PAPPA2: variants seen among roughly 807,000 people sequenced by gnomAD.
The protein encoded by PAPPA2 is pappalysin 2.
Under a neutral mutation model 176.4 loss-of-function variants are expected in PAPPA2, and 86 were observed. The ratio of observed to expected loss-of-function variants is 0.49; its 90% CI spans 0.41 to 0.58. PAPPA2 has a LOEUF of 0.58. Ranked by LOEUF, PAPPA2 falls within the 20% of genes least tolerant of loss-of-function variation. The pLI, the probability that PAPPA2 is intolerant of heterozygous loss-of-function variation, is 0.00. For synonymous variants in PAPPA2, 809 were observed against 852.2 expected (o/e 0.95, Z 0.88); for missense variants, 2,073 against 2,256.9 (o/e 0.92, Z 1.65).
intron 21 of PAPPA2, among the ~76,000 whole-genome samples, chr1:176,829,866 C>A (rs1169667579): frequency 1.3e-5 from 2 of 152,218 alleles, no homozygotes; most frequent in Admixed American, 6.5e-5. Flanking sequence ...GAGAAAGGCA[C>A]TGGAAGGTCC....
Position 176,695,723 on chromosome 1 carries a change from C to A in PAPPA2, c.2625-15C>A, listed in dbSNP as rs775429300. On this transcript the variant is annotated splice_polypyrimidine_tract_variant and intron_variant, in intron 6 of 22. Transcript: ENST00000367662. ...ACTCTCCTCATCTCCCATCTCCATC[C>A]CTTTATCTCCCCAGGGCCTCAGGCA... The A allele has an allele frequency of 6.2e-7, 1 of 1,613,548 alleles. No individual in the cohort carries two copies. The highest frequency in any genetic ancestry group is 1.3e-5 in the African/African-American group (1 of 74,906).
At chr1:176,539,250 T>C (rs918586419) in intron 1 of PAPPA2, among the ~76,000 whole-genome samples, 10 of 152,098 alleles carry the variant, frequency 6.6e-5, no homozygotes, top group African/African-American at 2.4e-4. Context: ...GTATGGAACG[T>C]AGGGTATGAG....
intron 1 of PAPPA2, among the ~76,000 whole-genome samples, chr1:176,517,651 A>G (rs1397864791): frequency 1.3e-5 from 2 of 152,144 alleles, no homozygotes; most frequent in Non-Finnish European, 2.9e-5. Flanking sequence ...GGCAAGATAG[A>G]GGCTCAGCTT....
At chr1:176,712,109 A>AG in intron 12 of PAPPA2, 128 bp downstream of exon 12, 3 of 1,160,950 alleles carry the variant, frequency 2.6e-6, no homozygotes, top group Non-Finnish European at 3.6e-6. Flanking sequence ...GTTATCTCAA[A>AG]GTGTTAATAT....
At chr1:176,504,740 C>G (rs932462941) in intron 1 of PAPPA2, among the ~76,000 whole-genome samples, 4 of 152,134 alleles carry the variant, frequency 2.6e-5, no homozygotes, top group Non-Finnish European at 5.9e-5. Flanking sequence ...AGCCATGTGA[C>G]CTGCTTAGAC....
intron 1 of PAPPA2, among the ~76,000 whole-genome samples, chr1:176,487,597 C>G (rs1012558488): frequency 6.6e-6 from 1 of 152,152 alleles, no homozygotes. Context: ...ACAGCTAGAC[C>G]TGGTGAGATA....
At chr1:176,714,272 C>T (rs1239324027) in intron 12 of PAPPA2, among the ~76,000 whole-genome samples, 2 of 152,160 alleles carry the variant, frequency 1.3e-5, no homozygotes, top group Non-Finnish European at 2.9e-5. Context: ...GTCAGACACA[C>T]CTCACTATGC....
chr1:176,588,082 A>G (rs1313576070), intron 2 of PAPPA2, among the ~76,000 whole-genome samples: 1 of 152,076 alleles, frequency 6.6e-6, no homozygotes, highest in African/African-American at 2.4e-5. Context: ...CCTCTCTTAT[A>G]TCCTTGAGCA....
At chr1:176,677,616 G>A (rs1043611260) in intron 4 of PAPPA2, among the ~76,000 whole-genome samples, 10 of 152,076 alleles carry the variant, frequency 6.6e-5, no homozygotes, top group African/African-American at 1.2e-4. Flanking sequence ...TAAGTTAGTC[G>A]TAAACCAGCC....
intron 1 of PAPPA2, among the ~76,000 whole-genome samples, chr1:176,493,160 T>G (rs1241542819): frequency 1.3e-5 from 2 of 152,174 alleles, no homozygotes; most frequent in Admixed American, 6.6e-5. Flanking sequence ...TGGTGGAGTG[T>G]GGAATCATGA....
intron 4 of PAPPA2, among the ~76,000 whole-genome samples, chr1:176,682,785 C>T (rs1049683352): frequency 6.6e-5 from 10 of 152,050 alleles, no homozygotes. Flanking sequence ...TGAAGTGCTC[C>T]TTCCTTGGAC....
intron 1 of PAPPA2, among the ~76,000 whole-genome samples, chr1:176,511,787 C>T (rs1009507057): frequency 6.6e-6 from 1 of 152,134 alleles, no homozygotes; most frequent in Non-Finnish European, 1.5e-5. Flanking sequence ...CATTGGCACT[C>T]CTGGTTCTCA....
At chr1:176,488,086 T>A (rs1652724952) in intron 1 of PAPPA2, among the ~76,000 whole-genome samples, 1 of 152,184 alleles carries the variant, frequency 6.6e-6, no homozygotes, top group Non-Finnish European at 1.5e-5. Context: ...CTGCATGATA[T>A]TGTTGTTTCT....
In PAPPA2 at chr1:176,844,721, A is replaced by G. The variant is rs1407428473; in HGVS notation, c.*2267A>G. ...TATTGGGGAAAATGTCCAAATTGCT[A>G]GACACATTCTAAGTTCTGCCTTGGA... On this transcript the variant is annotated 3_prime_UTR_variant, in exon 23 of 23. Coordinates refer to ENST00000367662, the MANE Select transcript of PAPPA2 (RefSeq NM_020318.3). 1 of 152,132 alleles carries G rather than the reference A, an allele frequency of 6.6e-6. No individual in the cohort carries two copies. Among genetic ancestry groups the G allele is most frequent in the Non-Finnish European group, 1.5e-5 (1 of 68,024 alleles). The allele number at this position is 152,132 out of a possible 1,614,324, so 9.4% of individuals were successfully genotyped here.
chr1:176,756,705 T>G (rs1663438049), intron 14 of PAPPA2, among the ~76,000 whole-genome samples: 1 of 151,816 alleles, frequency 6.6e-6, no homozygotes, highest in Admixed American at 6.6e-5. Context: ...TAGATAAGAC[T>G]CTTATTATTA....
rs755149752 is a variant in PAPPA2 at position 176,765,722 on chromosome 1, A to G, written c.4208A>G (p.His1403Arg). The G allele has an allele frequency of 1.2e-6, 2 of 1,614,036 alleles. No individual in the cohort carries two copies. The highest frequency in any genetic ancestry group is 1.7e-6 in the Non-Finnish European group (2 of 1,180,022). ...AGCTGTCCGTCATTGCTGCTTGATC[A>G]TGCTGATGTGGTGAACTGTACCTCT... is the stretch of plus-strand genomic sequence containing the variant. Reference protein sequence around the residue: ...QDSCPSLLLDHADVVNCTSIG... With the variant: ...QDSCPSLLLDRADVVNCTSIG... Residue 1403 changes from histidine to arginine, a missense_variant, in exon 15 of 23, where the codon CAT becomes CGT. This residue lies in a region of PAPPA2 where 846 missense variants were observed against 857.9 expected (regional missense o/e 0.99). Transcript: ENST00000367662.
rs892494017 is a variant in PAPPA2 at position 176,718,005 on chromosome 1, G to A, written c.3798+6024G>A. Among the ~76,000 whole-genome samples the A allele has an allele frequency of 2.0e-5, 3 of 151,936 alleles. 1 individual carries two copies. The South Asian group carries it at 6.2e-4, about 32-fold the overall frequency. On this transcript the variant is annotated intron_variant, in intron 12 of 22. Coordinates refer to ENST00000367662, the MANE Select transcript of PAPPA2 (RefSeq NM_020318.3). ...TTTTGCTCCAGTTCTCAGCTCTATG[G>A]AATATTTTGTGTAAGGTTAGTGTTA...
intron 4 of PAPPA2, among the ~76,000 whole-genome samples, chr1:176,674,563 C>T (rs1001093707): frequency 6.6e-6 from 1 of 152,054 alleles, no homozygotes; most frequent in African/African-American, 2.4e-5. Flanking sequence ...TCTCCAGCTC[C>T]ATCTAGGTTG....
intron 12 of PAPPA2, among the ~76,000 whole-genome samples, chr1:176,721,733 T>C (rs1661630131): frequency 1.3e-5 from 2 of 152,172 alleles, no homozygotes; most frequent in South Asian, 4.1e-4. Flanking sequence ...TCTATGATGT[T>C]CCAAGGCCTA....
Sources: allele counts gnomAD v4.1 joint callset (sites outside exome capture counted in the v4.1 genomes callset), GRCh38; gene constraint gnomAD v4.1.1; regional missense constraint gnomAD v4.1.1; transcripts MANE v1.5; gene names NCBI Gene and HGNC (gene_info 2026-07-23, HGNC 2026-07-21).